The following ERI2 variants were observed in gnomAD, a reference collection of about 807,000 sequenced individuals.
ERI2 encodes the protein ERI1 exoribonuclease family member 2, also known as ERI1 exoribonuclease 2.
Under a neutral mutation model 46.8 loss-of-function variants are expected in ERI2, and 35 were observed. That is an observed-to-expected ratio of 0.75 (90% confidence interval 0.57 to 0.99). ERI2 has a LOEUF of 0.99. ERI2 is among the 50% of genes least tolerant of loss of function. The pLI is 0.00. For synonymous variants in ERI2, 224 were observed against 271.0 expected, an observed-to-expected ratio of 0.83 and a Z score of 1.70; for missense variants, 695 against 796.2, an observed-to-expected ratio of 0.87 and a Z score of 1.53.
intron 10 of ERI2, among the ~76,000 whole-genome samples, chr16:20,788,769 A>G (rs1206303230): frequency 6.6e-6 from 1 of 152,228 alleles, no homozygotes; most frequent in Non-Finnish European, 1.5e-5. Flanking sequence ...ATCTATTAAA[A>G]TCTGTAAGTA....
chr16:20,792,667 A>G, downstream of ERI2: 2 of 985,426 alleles, frequency 2.0e-6, no homozygotes, highest in Non-Finnish European at 1.2e-6. Context: ...GGATGGGATC[A>G]AATTGTTACC....
chr16:20,806,447 T>A lies in ERI2; in HGVS notation c.-17A>T. On this transcript the variant is annotated 5_prime_UTR_variant, in exon 1 of 9. In the 5' UTR this introduces an upstream ATG that the reference lacks. Transcript: ENST00000357967. The stretch of plus-strand genomic sequence containing the variant: ...GGTCGCCATTCCCGACACTCCTTGC[T>A]TTTCCAAGTCCAGCTGCCGGAAGTC... The A allele has an allele frequency of 6.4e-7, 1 of 1,553,028 alleles. No homozygotes were observed.
At chr16:20,802,619 T>A (rs924752240) in intron 4 of ERI2, among the ~76,000 whole-genome samples, 177 bp downstream of exon 4, 4 of 151,312 alleles carry the variant, frequency 2.6e-5, no homozygotes, top group Non-Finnish European at 1.5e-5. Flanking sequence ...CACTATGTTG[T>A]CTAGGTTGGT....
In ERI2 at chr16:20,796,843, A is replaced by G; in HGVS notation, c.*881T>C. 2 of 1,606,642 alleles carry G rather than the reference A, an allele frequency of 1.2e-6. No individual in the cohort carries two copies. Among genetic ancestry groups the G allele is most frequent in the Non-Finnish European group, 1.7e-6 (2 of 1,178,132 alleles). On this transcript the variant is annotated 3_prime_UTR_variant, in exon 9 of 9. Coordinates refer to ENST00000357967, the MANE Select transcript of ERI2 (RefSeq NM_001142725.2). ...GCTATATAATTGGCTTTATGTAAAG[A>G]TAAAAATTTCCAGGCTAATTTTCTT...
At position 20,802,793 on chromosome 16, in the gene ERI2, T is replaced by C. The variant is rs761118577; in HGVS notation, c.303+3A>G. On this transcript the variant is annotated splice_donor_region_variant and intron_variant, in intron 4 of 8. Transcript: ENST00000357967. ...CTTCTGAATTTTAAGATTTGCATCATACCTGCTTTATGCCTGTCAATTCCA... is the reference window on the plus strand; with the variant it reads ...CTTCTGAATTTTAAGATTTGCATCACACCTGCTTTATGCCTGTCAATTCCA... The C allele has an allele frequency of 6.3e-7, 1 of 1,594,556 alleles. No homozygotes were observed. Among genetic ancestry groups the C allele is most frequent in the South Asian group, 1.1e-5 (1 of 88,766 alleles).
intron 5 of ERI2, 156 bp from the exon 6 acceptor site, chr16:20,800,558 AACTT>A: frequency 2.3e-6 from 1 of 435,232 alleles, no homozygotes; most frequent in African/African-American, 2.0e-5. Flanking sequence ...CACTTTATAT[AACTT>A]ACTATTAACA....
rs2080359885 is a variant in ERI2 at position 20,781,817 on chromosome 16, T to C, written c.895-1083A>G. On this transcript the variant is annotated intron_variant, in intron 10 of 10. Coordinates refer to the ERI2 transcript ENST00000300005. ...GAAATGTTAGTAAATAGGCATCTAGTGGGGAGAGGGGAGAAGAGGAAGCTA... is the reference window on the plus strand; with the variant it reads ...GAAATGTTAGTAAATAGGCATCTAGCGGGGAGAGGGGAGAAGAGGAAGCTA... 2.0e-6 allele frequency: 3 copies of C among 1,510,158 alleles called. No homozygotes were observed. In the African/African-American group the frequency reaches 4.1e-5, roughly 21 times the overall value. 93.5% of individuals were successfully genotyped at this position (1,510,158 alleles called of 1,614,324 possible). A position where few individuals can be genotyped will look rare whatever the true frequency, so the allele number is the denominator to read the frequency against.
Position 20,797,853 on chromosome 16 carries a change from G to C in ERI2, c.1947C>G (p.Asn649Lys). The C allele has an allele frequency of 1.3e-6, 2 of 1,551,576 alleles. No individual in the cohort carries two copies. The highest frequency in any genetic ancestry group is 1.7e-6 in the Non-Finnish European group (2 of 1,146,900). ...CTGTGGAATGAGATGGAACCATGCT[G>C]TTGGCTCTTTCCTTTTGAAGTGTTT... ...WEQTLQKERA[N>K]SMVPSHSTGG... The change falls in exon 9 of 9, where the codon AAC becomes AAG. Residue 649 changes from asparagine (N) to lysine (K), a missense_variant. By Grantham distance (94) the Asn-to-Lys change is moderately conservative. Transcript: ENST00000357967.
Position 20,806,419 on chromosome 16 carries a change from C to G in ERI2, c.12G>C (p.Lys4Asn), listed in dbSNP as rs1047292098. ...ACTCCCTCGAGTACCGCGCGAGCCGCTTGGTCGCCATTCCCGACACTCCTT... is the reference window on the plus strand; with the variant it reads ...ACTCCCTCGAGTACCGCGCGAGCCGGTTGGTCGCCATTCCCGACACTCCTT... Reference protein sequence around the residue: MATKRLARQLGLIR... With the variant: MATNRLARQLGLIR... The change falls in exon 1 of 9, where the codon AAG (lysine) becomes AAC (asparagine). Residue 4 changes from lysine to asparagine, a missense_variant. Coordinates refer to ENST00000357967, the MANE Select transcript of ERI2 (RefSeq NM_001142725.2). The G allele has an allele frequency of 1.1e-5, 17 of 1,553,036 alleles. No homozygotes were observed. The African/African-American group carries it at 2.2e-4, about 20-fold the overall frequency.
At chr16:20,792,634 G>C (rs1258485936), downstream of ERI2, 1 of 985,290 alleles carries the variant, frequency 1.0e-6, no homozygotes, top group East Asian at 1.1e-4. Flanking sequence ...GCTCACGTCA[G>C]GATGGGGTGA....
At chr16:20,794,101 C>G (rs2080666986), downstream of ERI2, among the ~76,000 whole-genome samples, 1 of 152,132 alleles carries the variant, frequency 6.6e-6, no homozygotes, top group African/African-American at 2.4e-5. Flanking sequence ...ACGAGGTATC[C>G]ATGAACAAAA....
In ERI2 at chr16:20,796,856, G is replaced by A; in HGVS notation, c.*868C>T. On this transcript the variant is annotated 3_prime_UTR_variant, in exon 9 of 9. Coordinates refer to ENST00000357967, the MANE Select transcript of ERI2 (RefSeq NM_001142725.2). The stretch of plus-strand genomic sequence containing the variant: ...CTTTATGTAAAGATAAAAATTTCCA[G>A]GCTAATTTTCTTCCCCTTGATGCCA... The A allele has an allele frequency of 6.2e-7, 1 of 1,607,496 alleles. No homozygotes were observed. Among genetic ancestry groups the A allele is most frequent in the Middle Eastern group, 1.7e-4 (1 of 6,040 alleles).
At position 20,797,526 on chromosome 16, in the gene ERI2, A is replaced by G; in HGVS notation, c.*198T>C. ...TTCAAGGTCTAACTATAAAAGAAGG[A>G]TCATATACTATTGTTGCTTATTATA... On this transcript the variant is annotated 3_prime_UTR_variant, in exon 9 of 9. Transcript: ENST00000357967. The G allele has an allele frequency of 4.2e-6, 5 of 1,191,356 alleles. No homozygotes were observed. The highest frequency in any genetic ancestry group is 5.2e-6 in the Non-Finnish European group (5 of 960,662). 73.8% of individuals were successfully genotyped at this position (1,191,356 alleles called of 1,614,324 possible).
rs938707246 is a variant in ERI2, at chr16:20,784,859, G to T, written c.895-4125C>A. On this transcript the variant is annotated intron_variant, in intron 10 of 10. Transcript: ENST00000300005. Reference sequence around the variant, plus strand: ...TTTATGGGGTAAAATGGTTTGTTTTGTGCTAGGGAGAGGAATTAAAAAGCG... The same window carrying T: ...TTTATGGGGTAAAATGGTTTGTTTTTTGCTAGGGAGAGGAATTAAAAAGCG... The T allele has an allele frequency of 1.1e-5, 11 of 1,010,578 alleles. No individual in the cohort carries two copies. In the East Asian group the frequency reaches 3.1e-4, roughly 28 times the overall value. 62.6% of individuals were successfully genotyped at this position (1,010,578 alleles called of 1,614,324 possible). A position where few individuals can be genotyped will look rare whatever the true frequency, so the allele number is the denominator to read the frequency against.
chr16:20,789,681 TTTC>T, intron 9 of ERI2: 2 of 636,042 alleles, frequency 3.1e-6, no homozygotes, highest in East Asian at 2.8e-5. Flanking sequence ...CAACTCTATT[TTTC>T]TTTTTTTTTT....
chr16:20,789,215 G>A (rs991042721), intron 10 of ERI2, among the ~76,000 whole-genome samples: 1 of 152,168 alleles, frequency 6.6e-6, no homozygotes, highest in African/African-American at 2.4e-5. Context: ...GATCTGGAGT[G>A]TAAGTGGTGA....
chr16:20,802,953 GAATA>G (rs1567372418), intron 3 of ERI2, 30 bp from the exon 4 acceptor site: 16 of 1,527,214 alleles, frequency 1.0e-5, no homozygotes, highest in Non-Finnish European at 1.4e-5. Context: ...ATTGACAGTT[GAATA>G]AATAATTTTT....
intron 10 of ERI2, chr16:20,783,301 G>C (rs2080393717): frequency 6.6e-6 from 1 of 152,184 alleles, no homozygotes; most frequent in African/African-American, 2.4e-5. Context: ...GAAGCTCTGG[G>C]CCAGGAACCC....
chr16:20,788,495 C>A (rs2080523329), intron 10 of ERI2, among the ~76,000 whole-genome samples: 1 of 152,154 alleles, frequency 6.6e-6, no homozygotes, highest in Admixed American at 6.6e-5. Flanking sequence ...TCTGCATCCC[C>A]AGTCATTTTT....
Sources: gnomAD v4.1 joint callset for allele counts (sites outside exome capture counted in the v4.1 genomes callset) on GRCh38, gnomAD v4.1.1 for gene constraint, MANE v1.5 for transcripts, NCBI Gene and HGNC (gene_info 2026-07-23, HGNC 2026-07-21) for gene names.